RUNDC3B: variants seen among roughly 807,000 people sequenced by gnomAD.
RUNDC3B encodes the protein RUN domain containing 3B.
A neutral mutation model predicts 58.4 loss-of-function variants in RUNDC3B; 33 were observed. The observed-to-expected ratio is 0.56, with a 90% confidence interval of 0.43 to 0.75. RUNDC3B has a LOEUF of 0.75. Among genes scored for constraint, RUNDC3B ranks in the 30% least tolerant of loss-of-function variants. RUNDC3B has a pLI of 0.00. For missense variants in RUNDC3B, 501 were observed against 535.7 expected (o/e 0.94, Z 0.64); for synonymous variants, 193 against 195.2 (o/e 0.99, Z 0.10).
In RUNDC3B at chr7:87,710,576, G is replaced by T; in HGVS notation, c.379G>T (p.Ala127Ser). The T allele has an allele frequency of 6.4e-7, 1 of 1,572,596 alleles. No individual in the cohort carries two copies. Among genetic ancestry groups the T allele is most frequent in the South Asian group, 1.2e-5 (1 of 85,442 alleles). Residue 127 changes from alanine to serine, a missense_variant, in exon 4 of 11, where the codon GCC becomes TCC. Coordinates refer to ENST00000394654, the MANE Select transcript of RUNDC3B (RefSeq NM_001134405.2). Reference protein sequence around the residue: ...NVSSSRAKGRAWIRVALMEKH... With the variant: ...NVSSSRAKGRSWIRVALMEKH... ...TCTTTCTTCTTCCTTTTAGGGTAGA[G>T]CCTGGATCAGAGTAGCACTCATGGA...
At chr7:87,706,500 G>A (rs979122344) in intron 3 of RUNDC3B, among the ~76,000 whole-genome samples, 3 of 152,152 alleles carry the variant, frequency 2.0e-5, no homozygotes, top group Non-Finnish European at 4.4e-5. Flanking sequence ...ACCTACTGCT[G>A]AGAACAACTA....
Position 87,660,746 on chromosome 7 carries a change from T to C in RUNDC3B, c.238+9809T>C, listed in dbSNP as rs1824619591. Among the ~76,000 whole-genome samples the C allele has an allele frequency of 2.0e-5, 3 of 152,142 alleles. No homozygotes were observed. In the South Asian group the frequency reaches 6.2e-4, roughly 32 times the overall value. On this transcript the variant is annotated intron_variant, in intron 2 of 10. Transcript: ENST00000394654. ...CCAACTACTGCTTTGGCTAAATTTATGTTTGAGTAATGTAATATTTTCATT... is the reference window on the plus strand; with the variant it reads ...CCAACTACTGCTTTGGCTAAATTTACGTTTGAGTAATGTAATATTTTCATT...
At chr7:87,779,122 T>A (rs1216372453) in intron 8 of RUNDC3B, among the ~76,000 whole-genome samples, 1 of 152,194 alleles carries the variant, frequency 6.6e-6, no homozygotes, top group Non-Finnish European at 1.5e-5. Flanking sequence ...TGTTCTCTTA[T>A]ATGATCATAG....
intron 8 of RUNDC3B, among the ~76,000 whole-genome samples, chr7:87,804,613 A>G (rs888083172): frequency 1.3e-5 from 2 of 152,204 alleles, no homozygotes; most frequent in Admixed American, 6.5e-5. Context: ...TAAATTAAAC[A>G]GTTTTCCTTC....
intron 4 of RUNDC3B, among the ~76,000 whole-genome samples, chr7:87,725,157 T>C (rs1230060347): frequency 6.6e-6 from 1 of 152,182 alleles, no homozygotes; most frequent in African/African-American, 2.4e-5. Flanking sequence ...TTGTTACATA[T>C]GTATACATGT....
At chr7:87,702,072 G>C (rs1308506735) in intron 3 of RUNDC3B, among the ~76,000 whole-genome samples, 1 of 147,584 alleles carries the variant, frequency 6.8e-6, no homozygotes, top group Non-Finnish European at 1.5e-5. Flanking sequence ...GAACCCAGGA[G>C]GCGGAGCTTG....
intron 4 of RUNDC3B, among the ~76,000 whole-genome samples, chr7:87,736,268 C>T (rs1244239526): frequency 1.3e-5 from 2 of 152,044 alleles, no homozygotes; most frequent in African/African-American, 2.4e-5. Context: ...ACTTCTGACT[C>T]CCACAAAAGG....
At chr7:87,794,568 A>T (rs1255068482) in intron 8 of RUNDC3B, among the ~76,000 whole-genome samples, 1 of 152,138 alleles carries the variant, frequency 6.6e-6, no homozygotes, top group Non-Finnish European at 1.5e-5. Context: ...GTACCCAAAG[A>T]AATCTACAGA....
chr7:87,748,900 A>G (rs1326974974), intron 6 of RUNDC3B, among the ~76,000 whole-genome samples: 1 of 152,204 alleles, frequency 6.6e-6, no homozygotes, highest in Non-Finnish European at 1.5e-5. Context: ...TTGTAGTACA[A>G]TGTCTAGAAA....
intron 4 of RUNDC3B, among the ~76,000 whole-genome samples, chr7:87,719,990 CAAAAAA>C (rs11363135): frequency 2.7e-5 from 3 of 112,278 alleles, no homozygotes; most frequent in African/African-American, 1.1e-4. Flanking sequence ...TGACTACATC[CAAAAAA>C]AAAAAAAAAA....
At chr7:87,730,015 G>T (rs147154670) in intron 4 of RUNDC3B, among the ~76,000 whole-genome samples, 10 of 152,278 alleles carry the variant, frequency 6.6e-5, no homozygotes, top group Non-Finnish European at 1.5e-4. Flanking sequence ...GAAAGATCCA[G>T]TCCCAGCAAG....
Position 87,830,229 on chromosome 7 carries a change from C to T in RUNDC3B, c.*199C>T. 1 of 347,392 alleles carries T rather than the reference C, an allele frequency of 2.9e-6. No homozygotes were observed. 21.5% of individuals were successfully genotyped at this position (347,392 alleles called of 1,614,324 possible). A position where few individuals can be genotyped will look rare whatever the true frequency, so the allele number is the denominator to read the frequency against. ...CCATTTTTCATTTTTAAAATTCTTA[C>T]ATTTGTCATTGAGAAAGTTCAAAAT... On this transcript the variant is annotated 3_prime_UTR_variant, in exon 11 of 11. Transcript: ENST00000394654.
intron 1 of RUNDC3B, among the ~76,000 whole-genome samples, chr7:87,632,441 T>G (rs1477529071): frequency 6.6e-6 from 1 of 152,216 alleles, no homozygotes. Context: ...AACATTTGCA[T>G]AGTCCTTATT....
intron 6 of RUNDC3B, among the ~76,000 whole-genome samples, chr7:87,749,304 A>G (rs768088052): frequency 6.6e-6 from 1 of 152,252 alleles, no homozygotes; most frequent in Non-Finnish European, 1.5e-5. Context: ...ATGATGTACC[A>G]TCATAATTAA....
intron 1 of RUNDC3B, among the ~76,000 whole-genome samples, chr7:87,631,366 T>C (rs1167176207): frequency 6.6e-6 from 1 of 152,156 alleles, no homozygotes; most frequent in Non-Finnish European, 1.5e-5. Context: ...TTCACTCATG[T>C]CTCTTATGAA....
chr7:87,799,562 A>G (rs985871395), intron 8 of RUNDC3B, among the ~76,000 whole-genome samples: 4 of 152,170 alleles, frequency 2.6e-5, no homozygotes, highest in African/African-American at 7.2e-5. Flanking sequence ...GAGCACATTT[A>G]AGTACTCACA....
intron 1 of RUNDC3B, among the ~76,000 whole-genome samples, chr7:87,641,721 TGAAA>T (rs1224293762): frequency 1.3e-5 from 2 of 152,228 alleles, no homozygotes; most frequent in Non-Finnish European, 2.9e-5. Context: ...AAATATTTTA[TGAAA>T]GAAAGAAAGT....
chr7:87,820,043 G>A lies in RUNDC3B; in HGVS notation c.1225+3781G>A, dbSNP rs181418648. On this transcript the variant is annotated intron_variant, in intron 10 of 10. Transcript: ENST00000394654. The stretch of plus-strand genomic sequence containing the variant: ...GGTAAGAAATAACTAAAATCAGAGC[G>A]GAACTGAAGGAAATAGAGACACAAA... Among the ~76,000 whole-genome samples the A allele has an allele frequency of 2.0e-3, 299 of 151,990 alleles. 1 individual carries two copies. Among genetic ancestry groups the A allele is most frequent in the Admixed American group, 3.3e-3 (50 of 15,224 alleles).
At chr7:87,782,454 G>T (rs1378249482) in intron 8 of RUNDC3B, among the ~76,000 whole-genome samples, 1 of 151,808 alleles carries the variant, frequency 6.6e-6, no homozygotes, top group Non-Finnish European at 1.5e-5. Flanking sequence ...GTAGGTTTTT[G>T]TGTCTCAGTT....
Sources: allele counts gnomAD v4.1 joint callset (sites outside exome capture counted in the v4.1 genomes callset), GRCh38; gene constraint gnomAD v4.1.1; transcripts MANE v1.5; gene names NCBI Gene and HGNC (gene_info 2026-07-23, HGNC 2026-07-21).